Variants in DYM observed in about 807,000 individuals in gnomAD.
DYM encodes dymeclin, also known as dyggve-Melchior-Clausen syndrome protein.
Under a neutral mutation model 93.1 loss-of-function variants are expected in DYM, and 78 were observed. The observed-to-expected ratio is 0.84, with a 90% CI of 0.70 to 1.01. DYM has a LOEUF of 1.01. DYM is among the 50% of genes least tolerant of loss of function. The pLI is 0.00. For missense variants in DYM, 789 were observed against 845.0 expected (o/e 0.93, Z 0.82); for synonymous variants, 321 against 319.7 (o/e 1.00, Z -0.04).
chr18:49,146,683 A>G (rs1420649676), intron 15 of DYM, among the ~76,000 whole-genome samples: 2 of 152,236 alleles, frequency 1.3e-5, no homozygotes, highest in South Asian at 2.1e-4. Flanking sequence ...CCACTGCTCA[A>G]TGAAATAAAA....
At chr18:49,077,443 C>T (rs527592464) in intron 17 of DYM, among the ~76,000 whole-genome samples, 7 of 152,276 alleles carry the variant, frequency 4.6e-5, no homozygotes, top group African/African-American at 1.4e-4. Flanking sequence ...TATATACATT[C>T]GAAAATAATG....
At chr18:49,197,678 G>A (rs569176667) in intron 14 of DYM, among the ~76,000 whole-genome samples, 29 of 152,254 alleles carry the variant, frequency 1.9e-4, no homozygotes, top group South Asian at 1.0e-3. Context: ...TACAAGGGAC[G>A]TGAAGGACCT....
At chr18:49,045,259 CTTA>C (rs1371750788) in intron 17 of DYM, among the ~76,000 whole-genome samples, 2 of 152,202 alleles carry the variant, frequency 1.3e-5, no homozygotes, top group Non-Finnish European at 2.9e-5. Flanking sequence ...CACAGCCACA[CTTA>C]TTATACTATA....
intron 12 of DYM, among the ~76,000 whole-genome samples, chr18:49,258,134 G>C (rs1466468752): frequency 6.6e-6 from 1 of 151,992 alleles, no homozygotes; most frequent in Non-Finnish European, 1.5e-5. Flanking sequence ...ACATACAATA[G>C]CTTTTATCTA....
chr18:49,043,924 AAC>A lies in DYM; in HGVS notation c.*129_*130del. The A allele has an allele frequency of 9.0e-7, 1 of 1,111,614 alleles. No individual in the cohort carries two copies. Among genetic ancestry groups the A allele is most frequent in the Non-Finnish European group, 1.3e-6 (1 of 765,186 alleles). 68.9% of individuals were successfully genotyped at this position (1,111,614 alleles called of 1,614,324 possible). ...TCTCCAAATCAAAGTGTGTGAGGAA[AAC>A]ACACTCGTGCAATCCTCTTTAACAG... On this transcript the variant is annotated 3_prime_UTR_variant, in exon 18 of 18. Transcript: ENST00000675505.
intron 14 of DYM, among the ~76,000 whole-genome samples, chr18:49,197,716 C>T (rs1475482669): frequency 6.6e-6 from 1 of 152,022 alleles, no homozygotes; most frequent in Non-Finnish European, 1.5e-5. Flanking sequence ...AACCACTGCT[C>T]AATGAAATAA....
At chr18:49,107,770 T>A (rs754642334) in intron 16 of DYM, among the ~76,000 whole-genome samples, 5 of 152,186 alleles carry the variant, frequency 3.3e-5, no homozygotes, top group Non-Finnish European at 7.3e-5. Flanking sequence ...TCTAGAAGTT[T>A]TGTCTGAGAC....
chr18:49,446,051 T>C (rs1205364524), intron 1 of DYM, among the ~76,000 whole-genome samples: 7 of 152,188 alleles, frequency 4.6e-5, no homozygotes, highest in Non-Finnish European at 2.9e-5. Context: ...ATGTATTATC[T>C]AAAATTGATA....
intron 8 of DYM, among the ~76,000 whole-genome samples, chr18:49,328,017 G>A (rs1211786330): frequency 6.6e-6 from 1 of 152,080 alleles, no homozygotes; most frequent in Non-Finnish European, 1.5e-5. Context: ...TTAAATTAAC[G>A]AGCCAACATC....
intron 15 of DYM, among the ~76,000 whole-genome samples, chr18:49,125,810 C>T (rs894974129): frequency 1.3e-5 from 2 of 152,228 alleles, no homozygotes; most frequent in South Asian, 2.1e-4. Flanking sequence ...GCTCCTCATT[C>T]TTTCTATGCA....
chr18:49,352,651 T>C (rs149326425), intron 6 of DYM, among the ~76,000 whole-genome samples: 16 of 152,274 alleles, frequency 1.1e-4, no homozygotes, highest in African/African-American at 3.8e-4. Flanking sequence ...AACTGAACAA[T>C]AGAAAAGATG....
chr18:49,435,617 A>G (rs1600231449), intron 1 of DYM, among the ~76,000 whole-genome samples: 1 of 151,876 alleles, frequency 6.6e-6, no homozygotes, highest in Non-Finnish European at 1.5e-5. Context: ...GTGAAACCCC[A>G]TCTCTACTAA....
At position 49,152,234 on chromosome 18, in the gene DYM, G is replaced by A. The variant is rs909107668; in HGVS notation, c.1728+11451C>T. On this transcript the variant is annotated intron_variant, in intron 15 of 17. Transcript: ENST00000675505. ...CATATTCCATAAGAAGGGACAGAAC[G>A]ATCTTCCTCTTCAGAAGTAAGAAAA... Among the ~76,000 whole-genome samples the A allele has an allele frequency of 5.3e-5, 8 of 151,980 alleles. No homozygotes were observed. The East Asian group carries it at 7.7e-4, about 15-fold the overall frequency.
intron 13 of DYM, among the ~76,000 whole-genome samples, chr18:49,219,595 G>C (rs1210233352): frequency 6.6e-6 from 1 of 152,122 alleles, no homozygotes; most frequent in East Asian, 1.9e-4. Flanking sequence ...TGCAAGGCTG[G>C]TTCAATATAT....
chr18:49,103,133 T>A (rs1256854252), intron 16 of DYM, among the ~76,000 whole-genome samples: 1 of 152,188 alleles, frequency 6.6e-6, no homozygotes, highest in African/African-American at 2.4e-5. Flanking sequence ...TGGTATCTCA[T>A]TGTGGTTTTG....
At chr18:49,298,278 G>GT (rs2060684444) in intron 8 of DYM, among the ~76,000 whole-genome samples, 1 of 152,082 alleles carries the variant, frequency 6.6e-6, no homozygotes, top group South Asian at 2.1e-4. Flanking sequence ...CACCTTTGTA[G>GT]TTTCAAATTT....
intron 8 of DYM, among the ~76,000 whole-genome samples, chr18:49,299,323 T>C (rs2060754335): frequency 6.6e-6 from 1 of 152,146 alleles, no homozygotes; most frequent in African/African-American, 2.4e-5. Flanking sequence ...CTAAGTAAAC[T>C]GGAATTCAAG....
chr18:49,189,566 A>G lies in DYM; in HGVS notation c.1625+19985T>C, dbSNP rs575475874. On this transcript the variant is annotated intron_variant, in intron 14 of 17. Coordinates refer to ENST00000675505, the MANE Select transcript of DYM (RefSeq NM_001353214.3). ...ATAACAAGCATGTGGGCAAAAAAGTAACAGAAAAATAAATCCAAATAACCC... is the reference window on the plus strand; with the variant it reads ...ATAACAAGCATGTGGGCAAAAAAGTGACAGAAAAATAAATCCAAATAACCC... Among the ~76,000 whole-genome samples the G allele has an allele frequency of 7.2e-5, 11 of 152,356 alleles. No homozygotes were observed. In the South Asian group the frequency reaches 2.3e-3, roughly 32 times the overall value.
chr18:49,252,059 C>G (rs1030489126), intron 13 of DYM, among the ~76,000 whole-genome samples: 1 of 150,906 alleles, frequency 6.6e-6, no homozygotes, highest in East Asian at 1.9e-4. Flanking sequence ...AGTAAAAATA[C>G]AAAAATTAGC....
Sources: gnomAD v4.1 joint callset for allele counts (sites outside exome capture counted in the v4.1 genomes callset) on GRCh38, gnomAD v4.1.1 for gene constraint, MANE v1.5 for transcripts, NCBI Gene and HGNC (gene_info 2026-07-23, HGNC 2026-07-21) for gene names.